INTS9: variants seen among roughly 807,000 people sequenced by gnomAD.
The protein encoded by INTS9 is integrator complex subunit 9.
In INTS9, 55 loss-of-function variants were observed where a neutral mutation model predicts 79.7. That is an observed-to-expected ratio of 0.69 (90% confidence interval 0.56 to 0.86). The LOEUF (loss-of-function observed/expected upper bound fraction) is 0.86, where lower values mean the gene tolerates loss of function less well. INTS9 is among the 40% of genes least tolerant of loss of function. The pLI is 0.00. For missense variants in INTS9, 721 were observed against 831.5 expected, an observed-to-expected ratio of 0.87 and a Z score of 1.64; for synonymous variants, 319 against 325.2, an observed-to-expected ratio of 0.98 and a Z score of 0.20.
chr8:28,861,608 G>A (rs1270013101), intron 1 of INTS9, among the ~76,000 whole-genome samples: 3 of 152,152 alleles, frequency 2.0e-5, no homozygotes, highest in Non-Finnish European at 4.4e-5. Context: ...GAAAAAAAAT[G>A]TGATTAAAAC....
At chr8:28,849,912 C>T (rs1807733677) in intron 3 of INTS9, 1 of 263,782 alleles carries the variant, frequency 3.8e-6, no homozygotes, top group African/African-American at 2.2e-5. Context: ...CTTTGAAACA[C>T]TCATTGCAAT....
At chr8:28,864,164 G>T (rs191472639) in intron 1 of INTS9, among the ~76,000 whole-genome samples, 104 of 152,298 alleles carry the variant, frequency 6.8e-4, no homozygotes, top group African/African-American at 2.4e-3. Flanking sequence ...ACAACACAGT[G>T]AGACCCTGTC....
At chr8:28,770,745 G>A (rs541429400) in intron 15 of INTS9, among the ~76,000 whole-genome samples, 8 of 152,302 alleles carry the variant, frequency 5.3e-5, no homozygotes, top group South Asian at 2.1e-4. Context: ...CACCCTGCAC[G>A]TCTCCCCACA....
At chr8:28,869,590 C>T (rs191402644) in intron 1 of INTS9, among the ~76,000 whole-genome samples, 3 of 152,280 alleles carry the variant, frequency 2.0e-5, no homozygotes, top group Admixed American at 2.0e-4. Flanking sequence ...AGGCAAATTA[C>T]CTCTGCTAGG....
At chr8:28,778,093 T>C in intron 12 of INTS9, 140 bp from the exon 13 acceptor site, 1 of 896,354 alleles carries the variant, frequency 1.1e-6, no homozygotes, top group Non-Finnish European at 1.6e-6. Flanking sequence ...GGGACGGAGG[T>C]CAAAGGGGCC....
At chr8:28,818,904 T>G (rs1283375515) in intron 6 of INTS9, among the ~76,000 whole-genome samples, 2 of 152,278 alleles carry the variant, frequency 1.3e-5, no homozygotes, top group Non-Finnish European at 2.9e-5. Context: ...TCGAGGAATT[T>G]ATCCATTTCT....
intron 12 of INTS9, among the ~76,000 whole-genome samples, chr8:28,779,472 AC>A (rs1803108539): frequency 2.0e-5 from 3 of 152,042 alleles, no homozygotes; most frequent in African/African-American, 7.3e-5. Context: ...CAAAGACAAG[AC>A]CCCTCTGTAA....
intron 8 of INTS9, among the ~76,000 whole-genome samples, chr8:28,798,872 T>C (rs750085726): frequency 1.3e-5 from 2 of 152,182 alleles, no homozygotes; most frequent in Non-Finnish European, 2.9e-5. Context: ...GAAGAACTAC[T>C]GATTCACACT....
chr8:28,886,336 C>T (rs1585545519), intron 1 of INTS9, among the ~76,000 whole-genome samples: 2 of 152,174 alleles, frequency 1.3e-5, no homozygotes, highest in African/African-American at 4.8e-5. Context: ...CAGCCTCAAC[C>T]TTCTAGGCGC....
At chr8:28,858,372 TCAAA>T (rs746036455) in intron 2 of INTS9, among the ~76,000 whole-genome samples, 87 of 152,208 alleles carry the variant, frequency 5.7e-4, no homozygotes, top group Middle Eastern at 6.8e-3. Context: ...TTAAGAAACA[TCAAA>T]CAAACAAACA....
At chr8:28,836,770 A>G (rs138838085) in intron 5 of INTS9, among the ~76,000 whole-genome samples, 88 of 152,300 alleles carry the variant, frequency 5.8e-4, no homozygotes, top group African/African-American at 2.0e-3. Context: ...TTCCTATGAG[A>G]GCCCTTCCTC....
At chr8:28,822,408 T>A (rs1805884036) in intron 6 of INTS9, among the ~76,000 whole-genome samples, 1 of 152,202 alleles carries the variant, frequency 6.6e-6, no homozygotes, top group South Asian at 2.1e-4. Flanking sequence ...AGATCACATA[T>A]AGTCTCCACC....
chr8:28,777,978 C>G (rs762138428), intron 12 of INTS9, 25 bp from the exon 13 acceptor site: 1 of 1,591,922 alleles, frequency 6.3e-7, no homozygotes, highest in South Asian at 1.1e-5. Flanking sequence ...AGAAAGAAAT[C>G]TTACAATGCA....
intron 1 of INTS9, among the ~76,000 whole-genome samples, chr8:28,889,111 A>C (rs888624677): frequency 1.7e-4 from 26 of 152,190 alleles, no homozygotes; most frequent in Admixed American, 5.2e-4. Flanking sequence ...ACACTATGTT[A>C]TTAACTAATT....
chr8:28,864,186 T>C (rs1049688664), intron 1 of INTS9, among the ~76,000 whole-genome samples: 1 of 151,828 alleles, frequency 6.6e-6, no homozygotes, highest in Non-Finnish European at 1.5e-5. Flanking sequence ...GTACAAAAAA[T>C]AAAAAAAATT....
chr8:28,788,235 A>T (rs1803725947), intron 10 of INTS9, among the ~76,000 whole-genome samples: 2 of 152,208 alleles, frequency 1.3e-5, no homozygotes. Context: ...GTCGTCAACT[A>T]AGAAATTAAC....
At chr8:28,880,144 A>C (rs914930849) in intron 1 of INTS9, among the ~76,000 whole-genome samples, 3 of 151,840 alleles carry the variant, frequency 2.0e-5, no homozygotes, top group Non-Finnish European at 2.9e-5. Flanking sequence ...CTGGAAAAAA[A>C]TAGAGGAAAG....
intron 10 of INTS9, among the ~76,000 whole-genome samples, chr8:28,793,053 G>A (rs899185108): frequency 6.6e-6 from 1 of 152,122 alleles, no homozygotes; most frequent in Non-Finnish European, 1.5e-5. Context: ...TGGGGGCAGC[G>A]TAACTGAATA....
At chr8:28,773,337 G>A (rs1802670229) in intron 14 of INTS9, among the ~76,000 whole-genome samples, 1 of 151,520 alleles carries the variant, frequency 6.6e-6, no homozygotes, top group African/African-American at 2.4e-5. Flanking sequence ...GGTGGCGGGT[G>A]CCTGTGGTCC....
Sources: allele counts gnomAD v4.1 joint callset (sites outside exome capture counted in the v4.1 genomes callset), GRCh38; gene constraint gnomAD v4.1.1; transcripts MANE v1.5; gene names NCBI Gene and HGNC (gene_info 2026-07-23, HGNC 2026-07-21).